DHRS7: variants seen among roughly 807,000 people sequenced by gnomAD.
DHRS7 encodes dehydrogenase/reductase SDR family member 7.
In DHRS7, 34 loss-of-function variants were observed where a neutral mutation model predicts 38.9. The observed-to-expected ratio is 0.87, with a 90% confidence interval of 0.66 to 1.16. DHRS7 has a LOEUF of 1.16. DHRS7 is among the 50% of genes most tolerant of loss of function. The probability of loss-of-function intolerance (pLI) is 0.00; values close to 1 mark genes in which losing one functional copy is unlikely to be tolerated. For synonymous variants in DHRS7, 158 were observed against 153.1 expected, an observed-to-expected ratio of 1.03 and a Z score of -0.24; for missense variants, 421 against 407.0, an observed-to-expected ratio of 1.03 and a Z score of -0.30.
In DHRS7 at chr14:60,156,907, A is replaced by C. The variant is rs146752019; in HGVS notation, c.134-755T>G. Among the ~76,000 whole-genome samples, 1,161 of 152,366 alleles carry C rather than the reference A, an allele frequency of 7.6e-3. 4 individuals carry two copies. Among genetic ancestry groups the C allele is most frequent in the Non-Finnish European group, 0.013 (852 of 68,028 alleles). On this transcript the variant is annotated intron_variant, in intron 1 of 6. Transcript: ENST00000557185. ...AAGACTACAAATGTTACAGTACTAA[A>C]GCAATGACAAATGGTTTATTCTTTT...
rs1314203587 is a variant in DHRS7, at chr14:60,165,130, C to T, written c.133+47G>A. 1 of 1,604,004 alleles carries T rather than the reference C, an allele frequency of 6.2e-7. No individual in the cohort carries two copies. The highest frequency in any genetic ancestry group is 1.3e-5 in the African/African-American group (1 of 74,912). ...CGGAGACCCGGACACGCCTCGGCAG[C>T]TCCGAGCCCGGCCTCCCACTCGGGA... is the stretch of plus-strand genomic sequence containing the variant. On this transcript the variant is annotated intron_variant, in intron 1 of 6. Transcript: ENST00000557185. This position sits in a 1 kb window ranked among gnomAD's most constrained non-coding sequence, Gnocchi z 4.6.
At chr14:60,155,509 C>A (rs1317964579) in intron 2 of DHRS7, among the ~76,000 whole-genome samples, 1 of 151,972 alleles carries the variant, frequency 6.6e-6, no homozygotes, top group Non-Finnish European at 1.5e-5. Flanking sequence ...ACACTGTTGC[C>A]CTTTATGTGA....
upstream of DHRS7, chr14:60,165,443 G>T: frequency 7.3e-7 from 1 of 1,374,568 alleles, no homozygotes; most frequent in South Asian, 1.6e-5. The surrounding 1 kb of genome is among the most constrained non-coding windows in gnomAD (Gnocchi z 4.6). Flanking sequence ...CAGGGAGCAG[G>T]CCGGGAGGAG....
chr14:60,168,717 G>A (rs1197848350), upstream of DHRS7: 1 of 1,564,922 alleles, frequency 6.4e-7, no homozygotes, highest in African/African-American at 1.4e-5. Context: ...GAGATAAGCA[G>A]AGTGAACAGA....
In DHRS7 at chr14:60,165,379, G is replaced by A. The variant is rs879042109; in HGVS notation, c.-70C>T. On this transcript the variant is annotated 5_prime_UTR_variant, in exon 1 of 7. Transcript: ENST00000557185. The surrounding 1 kb of genome is among the most constrained non-coding windows in gnomAD (Gnocchi z 4.6). ...CCAGAGTCGCGTCGCTGCCCTGCGG[G>A]ATCGCAGCGCCACCCCTTCGGCCAG... 6 of 1,516,022 alleles carry A rather than the reference G, an allele frequency of 4.0e-6. No homozygotes were observed. Among genetic ancestry groups the A allele is most frequent in the Non-Finnish European group, 3.5e-6 (4 of 1,135,612 alleles). 93.9% of individuals were successfully genotyped at this position (1,516,022 alleles called of 1,614,324 possible). A position where few individuals can be genotyped will look rare whatever the true frequency, so the allele number is the denominator to read the frequency against.
At chr14:60,156,622 A>G (rs529322805) in intron 1 of DHRS7, among the ~76,000 whole-genome samples, 2 of 152,316 alleles carry the variant, frequency 1.3e-5, no homozygotes, top group South Asian at 4.1e-4. Flanking sequence ...TTATTCTAAT[A>G]TTTTGCAATG....
upstream of DHRS7, chr14:60,168,778 A>G: frequency 6.5e-7 from 1 of 1,540,794 alleles, no homozygotes; most frequent in Non-Finnish European, 8.7e-7. Context: ...TGCTTCTTAA[A>G]TCATACTCCA....
upstream of DHRS7, among the ~76,000 whole-genome samples, chr14:60,166,562 G>T (rs1452631046): frequency 1.3e-5 from 2 of 152,092 alleles, no homozygotes; most frequent in African/African-American, 4.8e-5. Context: ...ATGTTTTGAA[G>T]AATGTTACTT....
chr14:60,153,836 T>C lies in DHRS7; in HGVS notation c.393+123A>G. On this transcript the variant is annotated intron_variant, in intron 3 of 6. Coordinates refer to ENST00000557185, the MANE Select transcript of DHRS7 (RefSeq NM_016029.4). The surrounding 1 kb of genome is among the most constrained non-coding windows in gnomAD (Gnocchi z 4.4). ...CTCAGAGATTAAGGGGCCCAACTCATGGGCCCGATCTCACTGCATGGACCC... is the reference window on the plus strand; with the variant it reads ...CTCAGAGATTAAGGGGCCCAACTCACGGGCCCGATCTCACTGCATGGACCC... 1 of 718,792 alleles carries C rather than the reference T, an allele frequency of 1.4e-6. No homozygotes were observed. The highest frequency in any genetic ancestry group is 2.4e-6 in the Non-Finnish European group (1 of 420,942). 44.5% of individuals were successfully genotyped at this position (718,792 alleles called of 1,614,324 possible).
rs1896592846 is a variant in DHRS7 at position 60,153,525 on chromosome 14, T to C, written c.394-347A>G. On this transcript the variant is annotated intron_variant, in intron 3 of 6. Coordinates refer to ENST00000557185, the MANE Select transcript of DHRS7 (RefSeq NM_016029.4). This position sits in a 1 kb window ranked among gnomAD's most constrained non-coding sequence, Gnocchi z 4.4. Reference sequence around the variant, plus strand: ...GCCTGACCAACATGGTGAAACCCCATCTCTACTAAAAAATATAAAAATTAG... The same window carrying C: ...GCCTGACCAACATGGTGAAACCCCACCTCTACTAAAAAATATAAAAATTAG... Among the ~76,000 whole-genome samples, 1 of 152,020 alleles carries C rather than the reference T, an allele frequency of 6.6e-6. No homozygotes were observed. Among genetic ancestry groups the C allele is most frequent in the Admixed American group, 6.6e-5 (1 of 15,260 alleles).
chr14:60,152,141 T>C (rs552514675), intron 4 of DHRS7, among the ~76,000 whole-genome samples: 1 of 152,376 alleles, frequency 6.6e-6, no homozygotes, highest in South Asian at 2.1e-4. Context: ...TTGCATCTCA[T>C]GATTCCAACA....
upstream of DHRS7, among the ~76,000 whole-genome samples, chr14:60,168,260 G>A (rs959866721): frequency 6.6e-6 from 1 of 152,010 alleles, no homozygotes; most frequent in Middle Eastern, 3.2e-3. Flanking sequence ...CAGTATCTTG[G>A]GTCTCTTAAA....
chr14:60,156,284 T>C, intron 1 of DHRS7, 132 bp from the exon 2 acceptor site: 1 of 752,530 alleles, frequency 1.3e-6, no homozygotes, highest in Non-Finnish European at 1.9e-6. Context: ...GAGTTAAAAT[T>C]TGAAATATTC....
intron 1 of DHRS7, among the ~76,000 whole-genome samples, chr14:60,158,030 C>T (rs1896691857): frequency 6.6e-6 from 1 of 152,028 alleles, no homozygotes; most frequent in South Asian, 2.1e-4. Context: ...GCCAGGAGTT[C>T]GAGACCAGCC....
At chr14:60,158,212 G>A (rs1177013244) in intron 1 of DHRS7, among the ~76,000 whole-genome samples, 5 of 129,306 alleles carry the variant, frequency 3.9e-5, no homozygotes, top group Non-Finnish European at 6.2e-5. Flanking sequence ...CAGCATGGGT[G>A]ACAGAGTGAG....
chr14:60,144,579 T>C lies in DHRS7; in HGVS notation c.*387A>G. ...AGCCTTCACCAGACACTAATTCTGC[T>C]GGTGCATTGGTCTTGGAATTCCCAG... is the stretch of plus-strand genomic sequence containing the variant. On this transcript the variant is annotated 3_prime_UTR_variant, in exon 7 of 7. Transcript: ENST00000557185. 1 of 208,744 alleles carries C rather than the reference T, an allele frequency of 4.8e-6. No individual in the cohort carries two copies. The highest frequency in any genetic ancestry group is 9.5e-6 in the Non-Finnish European group (1 of 105,674). 12.9% of individuals were successfully genotyped at this position (208,744 alleles called of 1,614,324 possible).
chr14:60,150,176 A>G lies in DHRS7; in HGVS notation c.645T>C (p.Asn215=), dbSNP rs764713861. The change falls in exon 5 of 7, where the codon AAT becomes AAC. Residue 215 remains asparagine, a synonymous_variant. Transcript: ENST00000557185. ...ATGTGGCAAGTTCTGTTCGAAGGCC[A>G]TTAAAAAAACCCTAACAGACAAAAA... The part of the protein sequence containing the change: ...ASKHALRGFF[N]GLRTELATYP... The G allele has an allele frequency of 8.4e-5, 127 of 1,505,590 alleles. 1 individual carries two copies. Among genetic ancestry groups the G allele is most frequent in the Admixed American group, 1.4e-4 (6 of 44,034 alleles). The allele number at this position is 1,505,590 out of a possible 1,614,324, so 93.3% of individuals were successfully genotyped here.
At chr14:60,152,824 GTC>G (rs957684724) in intron 4 of DHRS7, 113 bp downstream of exon 4, 9 of 1,218,256 alleles carry the variant, frequency 7.4e-6, no homozygotes, top group South Asian at 1.4e-5. Context: ...GTCTCCTTGG[GTC>G]TCTCTGTCTC....
rs1896353821 is a variant in DHRS7 at position 60,144,742 on chromosome 14, G to C, written c.*224C>G. ...CATATGTGCTAAAGTATTTTAAAAG[G>C]TTATTTTATCCAAGAATATAGTATG... On this transcript the variant is annotated 3_prime_UTR_variant, in exon 7 of 7. Coordinates refer to ENST00000557185, the MANE Select transcript of DHRS7 (RefSeq NM_016029.4). 2.1e-6 allele frequency: 1 copy of C among 481,796 alleles called. No individual in the cohort carries two copies. The allele number at this position is 481,796 out of a possible 1,614,324, so 29.8% of individuals were successfully genotyped here.
Sources: allele counts gnomAD v4.1 joint callset (sites outside exome capture counted in the v4.1 genomes callset), GRCh38; gene constraint gnomAD v4.1.1; non-coding constraint Gnocchi (gnomAD v3.1); transcripts MANE v1.5; gene names NCBI Gene and HGNC (gene_info 2026-07-23, HGNC 2026-07-21).